JAML: variants seen among roughly 807,000 people sequenced by gnomAD.
JAML encodes junction adhesion molecule like, also known as junctional adhesion molecule-like.
Under a neutral mutation model 39.3 loss-of-function variants are expected in JAML, and 25 were observed. The ratio of observed to expected loss-of-function variants is 0.64; its 90% CI spans 0.46 to 0.89. JAML has a LOEUF of 0.89. Among genes scored for constraint, JAML ranks in the 40% least tolerant of loss-of-function variants. The probability of loss-of-function intolerance (pLI) is 0.00; values close to 1 mark genes in which losing one functional copy is unlikely to be tolerated. For missense variants in JAML, 440 were observed against 486.9 expected, an observed-to-expected ratio of 0.90 and a Z score of 0.91; for synonymous variants, 162 against 179.2, an observed-to-expected ratio of 0.90 and a Z score of 0.77.
At chr11:118,218,099 T>C (rs2134676765) in intron 1 of JAML, among the ~76,000 whole-genome samples, 1 of 152,258 alleles carries the variant, frequency 6.6e-6, no homozygotes, top group South Asian at 2.1e-4. Flanking sequence ...CACATGTCTT[T>C]TTTTTTATTT....
At chr11:118,203,222 C>G (rs1313210782) in intron 6 of JAML, 4 of 711,562 alleles carry the variant, frequency 5.6e-6, no homozygotes, top group African/African-American at 5.2e-5. Context: ...GCAGCAGGGC[C>G]AGAACTAGGG....
In JAML at chr11:118,200,390, G is replaced by A. The variant is rs1948757670; in HGVS notation, c.911+84C>T. 3 of 1,495,228 alleles carry A rather than the reference G, an allele frequency of 2.0e-6. No homozygotes were observed. In the Admixed American group the frequency reaches 5.4e-5, roughly 27 times the overall value. The allele number at this position is 1,495,228 out of a possible 1,614,324, so 92.6% of individuals were successfully genotyped here. ...CTTCTGTGAGAATGGCATAAGTAGG[G>A]CCCTATCACCCTGTTCTACTTTGGG... On this transcript the variant is annotated intron_variant, in intron 7 of 9. Transcript: ENST00000356289.
At chr11:118,221,155 G>C (rs1278459497) in intron 1 of JAML, among the ~76,000 whole-genome samples, 1 of 152,166 alleles carries the variant, frequency 6.6e-6, no homozygotes, top group Non-Finnish European at 1.5e-5. Flanking sequence ...TTGGAACTGA[G>C]TACACCATTA....
At position 118,222,961 on chromosome 11, in the gene JAML, G is replaced by A. The variant is rs1949224418; in HGVS notation, c.-21+1980C>T. Among the ~76,000 whole-genome samples the A allele has an allele frequency of 6.6e-6, 1 of 152,080 alleles. No homozygotes were observed. Among genetic ancestry groups the A allele is most frequent in the African/African-American group, 2.4e-5 (1 of 41,434 alleles). On this transcript the variant is annotated intron_variant, in intron 1 of 9. Transcript: ENST00000356289. This position sits in a 1 kb window ranked among gnomAD's most constrained non-coding sequence, Gnocchi z 4.2. Reference sequence around the variant, plus strand: ...AATACAAAAATTAATCAGGTGTGGTGGTGAGCGCCTGTAATCCCAGCTACT... The same window carrying A: ...AATACAAAAATTAATCAGGTGTGGTAGTGAGCGCCTGTAATCCCAGCTACT...
intron 4 of JAML, chr11:118,209,059 CTGGTTGAA>C (rs1255641538): frequency 4.0e-6 from 1 of 248,304 alleles, no homozygotes; most frequent in Non-Finnish European, 8.3e-6. Context: ...TTTGGGCTAA[CTGGTTGAA>C]TCTCTCCACC....
At chr11:118,195,813 T>C (rs1342841440) in intron 9 of JAML, among the ~76,000 whole-genome samples, 2 of 152,194 alleles carry the variant, frequency 1.3e-5, no homozygotes, top group Non-Finnish European at 2.9e-5. Context: ...GATCTTATCC[T>C]ATTTATCCTA....
intron 1 of JAML, among the ~76,000 whole-genome samples, chr11:118,216,107 C>T (rs573121223): frequency 3.9e-5 from 6 of 152,294 alleles, no homozygotes; most frequent in Non-Finnish European, 8.8e-5. Context: ...CCTGGTGGCT[C>T]ACACCTGTAA....
At chr11:118,194,636 A>G (rs976716085) in intron 9 of JAML, among the ~76,000 whole-genome samples, 24 of 152,108 alleles carry the variant, frequency 1.6e-4, no homozygotes, top group Admixed American at 2.0e-4. Context: ...ACTGCCCAAG[A>G]CCATCTGGCT....
rs754695490 is a variant in JAML at position 118,210,494 on chromosome 11, C to A, written c.417G>T (p.Glu139Asp). 2 of 1,613,770 alleles carry A rather than the reference C, an allele frequency of 1.2e-6. No individual in the cohort carries two copies. The highest frequency in any genetic ancestry group is 4.5e-5 in the East Asian group (2 of 44,888). Reference protein sequence around the residue: ...KAVVLHVLPEEPKELMVHVGG... With the variant: ...KAVVLHVLPEDPKELMVHVGG... ...AAGTAAGCATTTGCGTACCTTTGGG[C>A]TCCTCTGGAAGCACATGCAGTACCA... Residue 139 changes from glutamate (E) to aspartate (D), a missense_variant, in exon 4 of 10, where the codon GAG becomes GAT. By Grantham distance (45) the Glu-to-Asp change is conservative (BLOSUM62 2). Transcript: ENST00000356289.
At position 118,203,442 on chromosome 11, in the gene JAML, G is replaced by C. The variant is rs1477213100; in HGVS notation, c.758C>G (p.Pro253Arg). 4.9e-5 allele frequency: 79 copies of C among 1,613,928 alleles called. No homozygotes were observed. The highest frequency in any genetic ancestry group is 6.0e-5 in the Non-Finnish European group (71 of 1,179,956). The stretch of plus-strand genomic sequence containing the variant: ...ATGTTAGATACTTCGAGGCTCTTCC[G>C]GGCTGACATGCAGCACAATGGTTTT... ...FKKTIVLHVS[P>R]EEPRTLVTPA... The change falls in exon 6 of 10, where the codon CCG becomes CGG. Residue 253 changes from proline (P) to arginine (R), a missense_variant. Transcript: ENST00000356289.
chr11:118,210,391 C>G, intron 4 of JAML, 96 bp downstream of exon 4: 1 of 1,189,702 alleles, frequency 8.4e-7, no homozygotes, highest in Admixed American at 2.1e-5. Context: ...GTACTTAGCC[C>G]AAAGGCTGGC....
intron 1 of JAML, among the ~76,000 whole-genome samples, chr11:118,216,222 T>C (rs972382372): frequency 1.3e-5 from 2 of 151,908 alleles, no homozygotes; most frequent in Non-Finnish European, 2.9e-5. Context: ...ATACAAAAAA[T>C]TAGCCGGGCA....
chr11:118,213,433 C>G (rs955794237), intron 2 of JAML: 6 of 685,954 alleles, frequency 8.7e-6, no homozygotes, highest in Non-Finnish European at 1.1e-5. Flanking sequence ...ACTTCCTGCC[C>G]CAACAGTAGG....
intron 7 of JAML, among the ~76,000 whole-genome samples, chr11:118,199,244 A>G (rs1027357580): frequency 6.6e-6 from 1 of 152,196 alleles, no homozygotes; most frequent in Non-Finnish European, 1.5e-5. Flanking sequence ...TGGAAGTGCT[A>G]CCTTTCCTTT....
At chr11:118,212,269 G>A in intron 3 of JAML, 138 bp downstream of exon 3, 12 of 1,050,810 alleles carry the variant, frequency 1.1e-5, no homozygotes, top group Non-Finnish European at 1.6e-5. Flanking sequence ...CTAGGACGAG[G>A]CCCAGTTCTG....
chr11:118,223,094 CAAAAAA>C lies in JAML; in HGVS notation c.-21+1841_-21+1846del, dbSNP rs56175225. ...TAGGTGACAGAGTGAGACTCTGTCT[CAAAAAA>C]AAAAAAAAAAAAAAAGAGTAATGTG... On this transcript the variant is annotated intron_variant, in intron 1 of 9. Coordinates refer to ENST00000356289, the MANE Select transcript of JAML (RefSeq NM_001098526.2). 9.5e-3 allele frequency among the ~76,000 whole-genome samples: 887 copies of C among 93,178 alleles called. 7 individuals carry two copies. The highest frequency in any genetic ancestry group is 0.016 in the Admixed American group (133 of 8,418). The allele number at this position is 93,178 out of a possible 152,430, so 61.1% of individuals were successfully genotyped here. A position where few individuals can be genotyped will look rare whatever the true frequency, so the allele number is the denominator to read the frequency against.
Position 118,196,477 on chromosome 11 carries a change from C to A in JAML, c.1092+258G>T, listed in dbSNP as rs605908. Among the ~76,000 whole-genome samples, 86,053 of 151,696 alleles carry A rather than the reference C, an allele frequency of 0.57. 24,485 individuals are homozygous for A. Among genetic ancestry groups the A allele is most frequent in the South Asian group, 0.75 (3,629 of 4,812 alleles). The stretch of plus-strand genomic sequence containing the variant: ...GATGAGGCAAAAGACGTCCTCCCTG[C>A]CCTCAGTAAAAGCCACTCTTCACTT... On this transcript the variant is annotated intron_variant, in intron 9 of 9. Coordinates refer to ENST00000356289, the MANE Select transcript of JAML (RefSeq NM_001098526.2).
chr11:118,195,386 G>C (rs1310903387), intron 9 of JAML, among the ~76,000 whole-genome samples: 1 of 152,056 alleles, frequency 6.6e-6, no homozygotes, highest in Non-Finnish European at 1.5e-5. Flanking sequence ...CCTCAGGGCT[G>C]GTACGATAGG....
chr11:118,216,714 A>G (rs2134675456), intron 1 of JAML, among the ~76,000 whole-genome samples: 1 of 152,338 alleles, frequency 6.6e-6, no homozygotes, highest in South Asian at 2.1e-4. Flanking sequence ...GCAAATGATG[A>G]ATCAGAATGA....
Sources: allele counts gnomAD v4.1 joint callset (sites outside exome capture counted in the v4.1 genomes callset), GRCh38; gene constraint gnomAD v4.1.1; non-coding constraint Gnocchi (gnomAD v3.1); transcripts MANE v1.5; gene names NCBI Gene and HGNC (gene_info 2026-07-23, HGNC 2026-07-21).